KCNQ1: variants seen among roughly 807,000 people sequenced by gnomAD.
KCNQ1 encodes the protein potassium voltage-gated channel subfamily Q member 1, also known as potassium voltage-gated channel subfamily KQT member 1.
A neutral mutation model predicts 72.4 loss-of-function variants in KCNQ1; 49 were observed. That is an observed-to-expected ratio of 0.68 (90% CI 0.54 to 0.86). KCNQ1 has a LOEUF of 0.86. Among genes scored for constraint, KCNQ1 ranks in the 40% least tolerant of loss-of-function variants. The pLI, the probability that KCNQ1 is intolerant of heterozygous loss-of-function variation, is 0.00. For missense variants in KCNQ1, 790 were observed against 945.1 expected, an observed-to-expected ratio of 0.84 and a Z score of 2.15; for synonymous variants, 450 against 412.6, an observed-to-expected ratio of 1.09 and a Z score of -1.10.
At chr11:2,822,446 T>C (rs11606985) in intron 15 of KCNQ1, among the ~76,000 whole-genome samples, 27,048 of 152,124 alleles carry the variant, frequency 0.18, 3,014 homozygotes, top group Non-Finnish European at 0.25. Context: ...ATTAGGCCAT[T>C]ATGGCAGAAT....
At position 2,608,348 on chromosome 11, in the gene KCNQ1, C is replaced by A. The variant is rs551638137; in HGVS notation, c.1393+19494C>A. The A allele has an allele frequency of 7.3e-5, 29 of 398,472 alleles. 1 individual carries two copies. The East Asian group carries it at 1.0e-3, about 14-fold the overall frequency. 24.7% of individuals were successfully genotyped at this position (398,472 alleles called of 1,614,324 possible). A position where few individuals can be genotyped will look rare whatever the true frequency, so the allele number is the denominator to read the frequency against. On this transcript the variant is annotated intron_variant, in intron 10 of 15. Transcript: ENST00000155840. The surrounding 1 kb of genome is among the most constrained non-coding windows in gnomAD (Gnocchi z 4.6). ...TTTCTTAGTCAGTTTTCATAGTTTTCATCTTTCTAGGAATTTGTCAATTTC... is the reference window on the plus strand; with the variant it reads ...TTTCTTAGTCAGTTTTCATAGTTTTAATCTTTCTAGGAATTTGTCAATTTC...
Position 2,827,829 on chromosome 11 carries a change from C to T in KCNQ1, c.1795-19938C>T, listed in dbSNP as rs891917115. On this transcript the variant is annotated intron_variant, in intron 15 of 15. Coordinates refer to ENST00000155840, the MANE Select transcript of KCNQ1 (RefSeq NM_000218.3). This position sits in a 1 kb window ranked among gnomAD's most constrained non-coding sequence, Gnocchi z 6.7. ...GCAGGTATGTGGTGGTACTGTTTTC[C>T]GGAATGAAGAGGAAGGGGCGGGCAG... is the stretch of plus-strand genomic sequence containing the variant. Among the ~76,000 whole-genome samples, 5 of 152,056 alleles carry T rather than the reference C, an allele frequency of 3.3e-5. No homozygotes were observed. The highest frequency in any genetic ancestry group is 6.5e-5 in the Admixed American group (1 of 15,270).
At chr11:2,569,816 C>T (rs1848301365) in intron 2 of KCNQ1, among the ~76,000 whole-genome samples, 1 of 152,238 alleles carries the variant, frequency 6.6e-6, no homozygotes, top group African/African-American at 2.4e-5. Flanking sequence ...TGCATCCACA[C>T]TATACAGCTG....
intron 2 of KCNQ1, among the ~76,000 whole-genome samples, chr11:2,535,800 C>T (rs1564809556): frequency 6.6e-6 from 1 of 152,222 alleles, no homozygotes; most frequent in Non-Finnish European, 1.5e-5. Context: ...GGCCGCTTTG[C>T]TGGGCGTAGG....
chr11:2,639,432 T>A (rs1201616641), intron 10 of KCNQ1: 1 of 152,262 alleles, frequency 6.6e-6, no homozygotes, highest in African/African-American at 2.4e-5. Flanking sequence ...CTTCTAACAG[T>A]CAGGACCCTC....
chr11:2,677,278 T>A lies in KCNQ1; in HGVS notation c.1514+15197T>A, dbSNP rs528096739. Reference sequence around the variant, plus strand: ...GGAACTTATAAAGAGGAACTGTAAATCTTGTCAAAATAGGAGATTTCATCA... The same window carrying A: ...GGAACTTATAAAGAGGAACTGTAAAACTTGTCAAAATAGGAGATTTCATCA... On this transcript the variant is annotated intron_variant, in intron 11 of 15. Transcript: ENST00000155840. This position sits in a 1 kb window ranked among gnomAD's most constrained non-coding sequence, Gnocchi z 4.5. 7.8e-5 allele frequency: 31 copies of A among 398,558 alleles called. 2 individuals carry two copies. In the South Asian group the frequency reaches 3.6e-3, roughly 46 times the overall value. 24.7% of individuals were successfully genotyped at this position (398,558 alleles called of 1,614,324 possible). A position where few individuals can be genotyped will look rare whatever the true frequency, so the allele number is the denominator to read the frequency against.
rs964539576 is a variant in KCNQ1 at position 2,620,281 on chromosome 11, A to T, written c.1393+31427A>T. The T allele has an allele frequency of 7.4e-5, 16 of 217,262 alleles. No individual in the cohort carries two copies. Among genetic ancestry groups the T allele is most frequent in the Non-Finnish European group, 1.0e-4 (12 of 114,546 alleles). The allele number at this position is 217,262 out of a possible 1,614,324, so 13.5% of individuals were successfully genotyped here. A position where few individuals can be genotyped will look rare whatever the true frequency, so the allele number is the denominator to read the frequency against. On this transcript the variant is annotated intron_variant, in intron 10 of 15. Transcript: ENST00000155840. The surrounding 1 kb of genome is among the most constrained non-coding windows in gnomAD (Gnocchi z 4.5). Reference sequence around the variant, plus strand: ...GCCCAGGCTGGAGGGCAATGGCATGATCTCGGCTCACTGCAGCCTCCGCCT... The same window carrying T: ...GCCCAGGCTGGAGGGCAATGGCATGTTCTCGGCTCACTGCAGCCTCCGCCT...
In KCNQ1 at chr11:2,715,434, G is replaced by C. The variant is rs1024293116; in HGVS notation, c.1514+53353G>C. 6.6e-6 allele frequency among the ~76,000 whole-genome samples: 1 copy of C among 152,100 alleles called. No individual in the cohort carries two copies. Among genetic ancestry groups the C allele is most frequent in the Non-Finnish European group, 1.5e-5 (1 of 67,992 alleles). Reference sequence around the variant, plus strand: ...ACCCTTTGTTGGCCAGTGTGGGAATGGGGGGAGGCCAGGGAGGACCCCCTG... The same window carrying C: ...ACCCTTTGTTGGCCAGTGTGGGAATCGGGGGAGGCCAGGGAGGACCCCCTG... On this transcript the variant is annotated intron_variant, in intron 11 of 15. Transcript: ENST00000155840. This position sits in a 1 kb window ranked among gnomAD's most constrained non-coding sequence, Gnocchi z 4.9.
intron 1 of KCNQ1, among the ~76,000 whole-genome samples, chr11:2,518,438 C>T (rs916808232): frequency 1.3e-5 from 2 of 152,130 alleles, no homozygotes; most frequent in South Asian, 2.1e-4. Flanking sequence ...CTGGTGGCCC[C>T]GGCAGGGGGA....
rs1169043221 is a variant in KCNQ1, at chr11:2,664,091, A to C, written c.1514+2010A>C. 1 of 398,048 alleles carries C rather than the reference A, an allele frequency of 2.5e-6. No individual in the cohort carries two copies. The highest frequency in any genetic ancestry group is 2.1e-5 in the African/African-American group (1 of 48,400). The allele number at this position is 398,048 out of a possible 1,614,324, so 24.7% of individuals were successfully genotyped here. On this transcript the variant is annotated intron_variant, in intron 11 of 15. Transcript: ENST00000155840. The surrounding 1 kb of genome is among the most constrained non-coding windows in gnomAD (Gnocchi z 5.1). Reference sequence around the variant, plus strand: ...ATAAGTGGGCCCAGGCAGGTCAGAGACTCCAGTCATTACCCAACCAGGTCC... The same window carrying C: ...ATAAGTGGGCCCAGGCAGGTCAGAGCCTCCAGTCATTACCCAACCAGGTCC...
chr11:2,824,138 AAC>A lies in KCNQ1; in HGVS notation c.1795-23624_1795-23623del, dbSNP rs1193720219. Among the ~76,000 whole-genome samples, 1 of 152,008 alleles carries A rather than the reference AAC, an allele frequency of 6.6e-6. No individual in the cohort carries two copies. The highest frequency in any genetic ancestry group is 1.5e-5 in the Non-Finnish European group (1 of 67,990). On this transcript the variant is annotated intron_variant, in intron 15 of 15. Coordinates refer to ENST00000155840, the MANE Select transcript of KCNQ1 (RefSeq NM_000218.3). The surrounding 1 kb of genome is among the most constrained non-coding windows in gnomAD (Gnocchi z 5.9). ...CATATTCGACACACACATTCACACA[AAC>A]ACACCCAGACACATGCATGCACATG...
chr11:2,595,245 A>G lies in KCNQ1; in HGVS notation c.1393+6391A>G, dbSNP rs1478123043. On this transcript the variant is annotated intron_variant, in intron 10 of 15. Transcript: ENST00000155840. This position sits in a 1 kb window ranked among gnomAD's most constrained non-coding sequence, Gnocchi z 5.0. ...TATGTAGAAAATCTGATGAACATGC[A>G]AGATGACCACTATGACTAATATATG... 2.0e-5 allele frequency among the ~76,000 whole-genome samples: 3 copies of G among 152,218 alleles called. No homozygotes were observed. Among genetic ancestry groups the G allele is most frequent in the Admixed American group, 6.5e-5 (1 of 15,280 alleles).
chr11:2,776,172 A>G (rs1038417393), intron 13 of KCNQ1, 118 bp downstream of exon 13: 4 of 871,646 alleles, frequency 4.6e-6, no homozygotes, highest in Non-Finnish European at 5.3e-6. Flanking sequence ...CTTGCCTCTC[A>G]ACCACCCCCT....
chr11:2,793,825 A>G (rs972141693), intron 15 of KCNQ1, among the ~76,000 whole-genome samples: 2 of 152,180 alleles, frequency 1.3e-5, no homozygotes, highest in African/African-American at 4.8e-5. Context: ...TAGAATGTAC[A>G]GCCCCATGGC....
chr11:2,532,784 G>C (rs1847662692), intron 2 of KCNQ1, among the ~76,000 whole-genome samples: 1 of 152,248 alleles, frequency 6.6e-6, no homozygotes. Flanking sequence ...CCTGACAGCA[G>C]GTTCCCGAGG....
intron 11 of KCNQ1, chr11:2,666,111 C>T (rs1590018069): frequency 2.5e-6 from 1 of 398,726 alleles, no homozygotes; most frequent in Non-Finnish European, 4.4e-6. Context: ...CATGTGGTTT[C>T]TCTGAAGGGC....
rs183734603 is a variant in KCNQ1, at chr11:2,584,435, G to A, written c.1033-777G>A. On this transcript the variant is annotated intron_variant, in intron 7 of 15. Coordinates refer to ENST00000155840, the MANE Select transcript of KCNQ1 (RefSeq NM_000218.3). ...TTTCTGTGTTAGTGTGTGTGTTAGT[G>A]TGCGTTAGTTTGTGTTTGTGTGTGT... 3.4e-3 allele frequency among the ~76,000 whole-genome samples: 518 copies of A among 151,878 alleles called. 4 individuals are homozygous for A. The highest frequency in any genetic ancestry group is 8.1e-3 in the South Asian group (39 of 4,796).
chr11:2,644,806 C>T, intron 10 of KCNQ1: 1 of 398,624 alleles, frequency 2.5e-6, no homozygotes, highest in Non-Finnish European at 4.4e-6. Context: ...GAATTTTTTT[C>T]AGCTGTAAAC....
At chr11:2,756,757 G>A (rs1363935465) in intron 11 of KCNQ1, among the ~76,000 whole-genome samples, 1 of 151,882 alleles carries the variant, frequency 6.6e-6, no homozygotes, top group Non-Finnish European at 1.5e-5. Flanking sequence ...TGGCCGTCTA[G>A]CGTTTATTTT....
Sources: allele counts gnomAD v4.1 joint callset (sites outside exome capture counted in the v4.1 genomes callset), GRCh38; gene constraint gnomAD v4.1.1; non-coding constraint Gnocchi (gnomAD v3.1); transcripts MANE v1.5; gene names NCBI Gene and HGNC (gene_info 2026-07-23, HGNC 2026-07-21).